RBFOX1: variants seen among roughly 807,000 people sequenced by gnomAD.
RBFOX1 encodes the protein RNA binding protein fox-1 homolog 1.
A neutral mutation model predicts 57.7 loss-of-function variants in RBFOX1; 8 were observed. That is an observed-to-expected ratio of 0.14 (90% confidence interval 0.08 to 0.25). The LOEUF (loss-of-function observed/expected upper bound fraction) is 0.25, where lower values mean the gene tolerates loss of function less well. RBFOX1 is among the 10% of genes least tolerant of loss of function. The pLI, the probability that RBFOX1 is intolerant of heterozygous loss-of-function variation, is 1.00. For synonymous variants in RBFOX1, 326 were observed against 222.4 expected, an observed-to-expected ratio of 1.47 and a Z score of -4.15; for missense variants, 611 against 548.5, an observed-to-expected ratio of 1.11 and a Z score of -1.14.
chr16:6,173,126 G>A (rs779500173), intron 1 of RBFOX1, among the ~76,000 whole-genome samples: 1 of 152,090 alleles, frequency 6.6e-6, no homozygotes, highest in Non-Finnish European at 1.5e-5. Flanking sequence ...CCCATTTCAA[G>A]ATCCTTAACT....
At chr16:7,415,542 C>G (rs116064846) in intron 4 of RBFOX1, among the ~76,000 whole-genome samples, 3 of 152,124 alleles carry the variant, frequency 2.0e-5, no homozygotes, top group Non-Finnish European at 4.4e-5. Context: ...GGTTTGAAAC[C>G]CACCTGTCCA....
intron 1 of RBFOX1, among the ~76,000 whole-genome samples, chr16:6,292,924 C>T (rs2077621567): frequency 6.6e-6 from 1 of 152,176 alleles, no homozygotes; most frequent in Non-Finnish European, 1.5e-5. Context: ...TGGCTCCAGC[C>T]TGTTTCAACC....
At chr16:5,792,491 A>ATTTGCGTTGTATGT (rs1419499444) in intron 3 of RBFOX1, among the ~76,000 whole-genome samples, 1 of 152,210 alleles carries the variant, frequency 6.6e-6, no homozygotes, top group African/African-American at 2.4e-5. Context: ...TGTTCTATGT[A>ATTTGCGTTGTATGT]ATATATACTG....
chr16:7,092,787 A>G (rs904004282), intron 4 of RBFOX1, among the ~76,000 whole-genome samples: 6 of 152,222 alleles, frequency 3.9e-5, no homozygotes, highest in African/African-American at 1.4e-4. Context: ...TGTTGATTGC[A>G]GTTCACAAGT....
chr16:7,417,698 C>T (rs1347189862), intron 4 of RBFOX1, among the ~76,000 whole-genome samples: 1 of 152,140 alleles, frequency 6.6e-6, no homozygotes, highest in Non-Finnish European at 1.5e-5. Flanking sequence ...CTCCATATCT[C>T]AGGAAACCTT....
chr16:7,548,735 CAG>C (rs2085380165), intron 5 of RBFOX1, among the ~76,000 whole-genome samples: 1 of 152,186 alleles, frequency 6.6e-6, no homozygotes, highest in African/African-American at 2.4e-5. Flanking sequence ...CAGCTTTGCT[CAG>C]AGTTTTCTTC....
At position 7,034,232 on chromosome 16, in the gene RBFOX1, C is replaced by T. The variant is rs570155015; in HGVS notation, c.-15-17825C>T. On this transcript the variant is annotated intron_variant, in intron 3 of 15. Transcript: ENST00000550418. ...TGGGGCACCTTGTTTAGCCTCTCTCCATCTCAGTGCTCTCATCTGTTCAAG... is the reference window on the plus strand; with the variant it reads ...TGGGGCACCTTGTTTAGCCTCTCTCTATCTCAGTGCTCTCATCTGTTCAAG... Among the ~76,000 whole-genome samples, 8 of 152,230 alleles carry T rather than the reference C, an allele frequency of 5.3e-5. No individual in the cohort carries two copies. The East Asian group carries it at 1.5e-3, about 29-fold the overall frequency.
chr16:5,611,753 C>T (rs903916955), intron 3 of RBFOX1, among the ~76,000 whole-genome samples: 26 of 9,210 alleles, frequency 2.8e-3, no homozygotes, highest in Non-Finnish European at 3.5e-3. Flanking sequence ...CATCCATTCA[C>T]CCTTCTTTTC....
chr16:6,853,167 C>T (rs899955932), intron 3 of RBFOX1, among the ~76,000 whole-genome samples: 5 of 152,144 alleles, frequency 3.3e-5, no homozygotes, highest in Admixed American at 3.3e-4. Context: ...GCCTGAGTTT[C>T]CTCCTTTGTA....
At chr16:5,424,168 C>G (rs190807565) in intron 1 of RBFOX1, among the ~76,000 whole-genome samples, 10 of 152,120 alleles carry the variant, frequency 6.6e-5, no homozygotes, top group African/African-American at 2.4e-4. Flanking sequence ...AGAGTGTGCA[C>G]TCTCTCTCTC....
At chr16:7,498,511 A>G (rs932298931) in intron 4 of RBFOX1, among the ~76,000 whole-genome samples, 3 of 152,292 alleles carry the variant, frequency 2.0e-5, no homozygotes, top group South Asian at 2.1e-4. Flanking sequence ...TTTAATTTCA[A>G]TATTTTATTC....
chr16:7,465,994 G>C (rs74426293), intron 4 of RBFOX1, among the ~76,000 whole-genome samples: 7 of 152,150 alleles, frequency 4.6e-5, no homozygotes, highest in Non-Finnish European at 8.8e-5. Flanking sequence ...AGATCTCATC[G>C]TTCCAGTTTT....
intron 3 of RBFOX1, among the ~76,000 whole-genome samples, chr16:6,967,193 T>C (rs1251817006): frequency 2.0e-5 from 3 of 152,160 alleles, no homozygotes; most frequent in Admixed American, 1.3e-4. Context: ...ATTTTCTATC[T>C]ATACATTGAT....
chr16:6,399,841 T>C (rs1305633330), intron 2 of RBFOX1, among the ~76,000 whole-genome samples: 1 of 152,232 alleles, frequency 6.6e-6, no homozygotes, highest in Non-Finnish European at 1.5e-5. Flanking sequence ...ACAGTCATCA[T>C]GGAAGACACC....
rs71150306 is a variant in RBFOX1, at chr16:7,513,283, T to TAATGAATG, written c.28-4845_28-4838dup. Among the ~76,000 whole-genome samples, 922 of 135,560 alleles carry TAATGAATG rather than the reference T, an allele frequency of 6.8e-3. 13 individuals carry two copies. Among genetic ancestry groups the TAATGAATG allele is most frequent in the African/African-American group, 0.026 (857 of 33,530 alleles). The allele number at this position is 135,560 out of a possible 152,430, so 88.9% of individuals were successfully genotyped here. On this transcript the variant is annotated intron_variant, in intron 4 of 15. Transcript: ENST00000550418. ...TGTGTCAAAAAAATAAAAATAAAAA[T>TAATGAATG]AATGAATGAATGAATGAATGAATGA...
intron 2 of RBFOX1, among the ~76,000 whole-genome samples, chr16:6,334,075 C>T (rs1264743199): frequency 6.6e-6 from 1 of 151,998 alleles, no homozygotes; most frequent in Non-Finnish European, 1.5e-5. Context: ...GTAAATTTTC[C>T]TTGATTAAAG....
At chr16:6,768,813 C>G (rs1271145262) in intron 3 of RBFOX1, among the ~76,000 whole-genome samples, 1 of 151,140 alleles carries the variant, frequency 6.6e-6, no homozygotes, top group Non-Finnish European at 1.5e-5. Context: ...ACTGCAACCT[C>G]TGTCTGCAGG....
chr16:7,217,537 C>T (rs979812769), intron 4 of RBFOX1, among the ~76,000 whole-genome samples: 8 of 151,936 alleles, frequency 5.3e-5, no homozygotes, highest in Non-Finnish European at 5.9e-5. Flanking sequence ...CTTCCAACCC[C>T]TCGTCCATCA....
At chr16:6,138,838 G>A (rs1005620710) in intron 1 of RBFOX1, among the ~76,000 whole-genome samples, 1 of 152,176 alleles carries the variant, frequency 6.6e-6, no homozygotes, top group Non-Finnish European at 1.5e-5. Context: ...CTGCACTCCA[G>A]CCTGGGCGAC....
Sources: allele counts gnomAD v4.1 joint callset (sites outside exome capture counted in the v4.1 genomes callset), GRCh38; gene constraint gnomAD v4.1.1; transcripts MANE v1.5; gene names NCBI Gene and HGNC (gene_info 2026-07-23, HGNC 2026-07-21).